Variants in MYLK observed in about 807,000 individuals in gnomAD.
MYLK encodes myosin light chain kinase, smooth muscle.
MYLK carries 106 observed loss-of-function variants against 203.4 expected under a neutral mutation model. The ratio of observed to expected loss-of-function variants is 0.52; its 90% CI spans 0.45 to 0.61. MYLK has a LOEUF of 0.61. Ranked by LOEUF, MYLK falls within the 20% of genes least tolerant of loss-of-function variation. MYLK has a pLI of 0.00. For synonymous variants in MYLK, 867 were observed against 959.5 expected (o/e 0.90, Z 1.78); for missense variants, 2,072 against 2,442.3 (o/e 0.85, Z 3.20).
intron 4 of MYLK, among the ~76,000 whole-genome samples, chr3:123,762,466 A>C (rs2063566438): frequency 6.6e-6 from 1 of 152,108 alleles, no homozygotes; most frequent in Non-Finnish European, 1.5e-5. Context: ...CCTGGGCTCA[A>C]GCAATCCACC....
At chr3:123,670,570 C>G (rs1443737652) in intron 20 of MYLK, among the ~76,000 whole-genome samples, 1 of 151,958 alleles carries the variant, frequency 6.6e-6, no homozygotes, top group Non-Finnish European at 1.5e-5. Flanking sequence ...ACCTGGGCAA[C>G]ACGGCAAGAC....
At chr3:123,685,365 G>A (rs142573586) in intron 19 of MYLK, among the ~76,000 whole-genome samples, 48 of 152,336 alleles carry the variant, frequency 3.2e-4, no homozygotes, top group African/African-American at 1.1e-3. Context: ...GGCCAAGGCA[G>A]TTGGATCACT....
chr3:123,659,304 T>G (rs1170549733), intron 23 of MYLK, among the ~76,000 whole-genome samples: 3 of 152,162 alleles, frequency 2.0e-5, no homozygotes, highest in Non-Finnish European at 2.9e-5. Flanking sequence ...CCAACTGATC[T>G]TCCTTCTGCT....
chr3:123,770,953 C>G (rs2063862224), intron 4 of MYLK, among the ~76,000 whole-genome samples: 1 of 152,190 alleles, frequency 6.6e-6, no homozygotes, highest in Admixed American at 6.5e-5. Context: ...ACTGGAGAAC[C>G]ATCTGGCTGG....
chr3:123,743,301 C>A (rs2062914772), intron 5 of MYLK, among the ~76,000 whole-genome samples: 1 of 152,058 alleles, frequency 6.6e-6, no homozygotes, highest in South Asian at 2.1e-4. Flanking sequence ...AGAGATACTT[C>A]TATGTCAGGG....
chr3:123,720,876 G>C (rs1030511248), intron 13 of MYLK, among the ~76,000 whole-genome samples: 5 of 152,196 alleles, frequency 3.3e-5, no homozygotes, highest in Non-Finnish European at 5.9e-5. Context: ...ACAGTGGCCA[G>C]TCTTCCCCTT....
At chr3:123,829,114 G>A (rs2148615410) in intron 3 of MYLK, among the ~76,000 whole-genome samples, 1 of 152,232 alleles carries the variant, frequency 6.6e-6, no homozygotes, top group East Asian at 1.9e-4. Context: ...AAGGAAAAAA[G>A]GAAATCATCG....
chr3:123,664,374 G>A (rs569867547), intron 22 of MYLK, 116 bp from the exon 23 acceptor site: 9 of 1,426,334 alleles, frequency 6.3e-6, no homozygotes, highest in East Asian at 4.6e-5. Context: ...GCTGTGGGGG[G>A]GCTCAGTCTG....
In MYLK at chr3:123,845,485, CGTTTT is replaced by C. The variant is rs138678812; in HGVS notation, c.-126-13820_-126-13816del. On this transcript the variant is annotated intron_variant, in intron 2 of 33. Coordinates refer to ENST00000360304, the MANE Select transcript of MYLK (RefSeq NM_053025.4). ...TAGACATGAGCACCTTTTGGGTTTTCGTTTTGTTTTGTTTTGTTTTTTTGAGACAA... is the reference window on the plus strand; with the variant it reads ...TAGACATGAGCACCTTTTGGGTTTTCGTTTTGTTTTGTTTTTTTGAGACAA... Among the ~76,000 whole-genome samples, 358 of 152,114 alleles carry C rather than the reference CGTTTT, an allele frequency of 2.4e-3. 1 individual carries two copies. Among genetic ancestry groups the C allele is most frequent in the African/African-American group, 7.5e-3 (310 of 41,500 alleles).
chr3:123,831,352 C>T, intron 3 of MYLK, 196 bp downstream of exon 3: 1 of 1,285,884 alleles, frequency 7.8e-7, no homozygotes, highest in Non-Finnish European at 1.0e-6. Context: ...CCAGCTAAGC[C>T]AAAATCAACA....
At position 123,822,374 on chromosome 3, in the gene MYLK, C is replaced by T. The variant is rs184132813; in HGVS notation, c.-4+9174G>A. On this transcript the variant is annotated intron_variant, in intron 3 of 33. Transcript: ENST00000360304. ...AGAAGAGGCCACTGCTGTCCCAAAG[C>T]GCAGCCCATAGAATTACTCCCCAGA... Among the ~76,000 whole-genome samples the T allele has an allele frequency of 1.8e-3, 272 of 152,278 alleles. 2 individuals are homozygous for T. Among genetic ancestry groups the T allele is most frequent in the South Asian group, 0.011 (52 of 4,822 alleles).
intron 33 of MYLK, 50 bp downstream of exon 33, chr3:123,618,589 C>A: frequency 3.1e-6 from 5 of 1,611,794 alleles, no homozygotes; most frequent in South Asian, 1.1e-5. Flanking sequence ...GGGACTCTAC[C>A]ATCCAGCCAC....
intron 20 of MYLK, among the ~76,000 whole-genome samples, chr3:123,668,129 T>C (rs530310156): frequency 1.3e-5 from 2 of 152,354 alleles, no homozygotes; most frequent in Admixed American, 1.3e-4. Context: ...CGAAAACATC[T>C]TGAGCTGTCT....
intron 11 of MYLK, among the ~76,000 whole-genome samples, chr3:123,732,451 G>T (rs923031725): frequency 3.3e-5 from 5 of 152,096 alleles, no homozygotes; most frequent in African/African-American, 1.2e-4. Context: ...GAGTCATAAG[G>T]TTATATATTG....
chr3:123,739,771 G>T (rs2062801472), intron 6 of MYLK, among the ~76,000 whole-genome samples, 182 bp downstream of exon 6: 2 of 152,228 alleles, frequency 1.3e-5, no homozygotes, highest in South Asian at 2.1e-4. Context: ...AGTCAAAGGA[G>T]CCAATCACAG....
intron 9 of MYLK, 46 bp from the exon 10 acceptor site, chr3:123,734,268 G>C: frequency 6.9e-7 from 1 of 1,459,682 alleles, no homozygotes; most frequent in South Asian, 1.4e-5. Flanking sequence ...GGAGAGGGGA[G>C]AATAGAATGA....
intron 28 of MYLK, among the ~76,000 whole-genome samples, chr3:123,639,943 C>A (rs561658102): frequency 1.1e-3 from 173 of 152,234 alleles, no homozygotes; most frequent in Middle Eastern, 3.4e-3. Context: ...CTAATGGCAC[C>A]AGAGTGAAAA....
intron 2 of MYLK, among the ~76,000 whole-genome samples, chr3:123,871,061 C>A (rs115323627): frequency 6.6e-6 from 1 of 151,902 alleles, no homozygotes; most frequent in Non-Finnish European, 1.5e-5. Context: ...CCGTTCGCCT[C>A]CTTCCCATTG....
chr3:123,763,386 A>C (rs898714236), intron 4 of MYLK, among the ~76,000 whole-genome samples: 1 of 152,142 alleles, frequency 6.6e-6, no homozygotes, highest in African/African-American at 2.4e-5. Flanking sequence ...TTCCCTCACC[A>C]TCCTCTTGGA....
Sources: gnomAD v4.1 joint callset for allele counts (sites outside exome capture counted in the v4.1 genomes callset) on GRCh38, gnomAD v4.1.1 for gene constraint, MANE v1.5 for transcripts, NCBI Gene and HGNC (gene_info 2026-07-23, HGNC 2026-07-21) for gene names.